The following DGKI variants were observed in gnomAD, a reference collection of about 807,000 sequenced individuals.
DGKI encodes the protein DAG kinase iota.
DGKI carries 55 observed loss-of-function variants against 147.5 expected under a neutral mutation model. The ratio of observed to expected loss-of-function variants is 0.37; its 90% confidence interval spans 0.30 to 0.47. The LOEUF (loss-of-function observed/expected upper bound fraction) is 0.47. DGKI is among the 20% of genes least tolerant of loss of function. The pLI, the probability that DGKI is intolerant of heterozygous loss-of-function variation, is 1.00. For synonymous variants in DGKI, 469 were observed against 477.1 expected (o/e 0.98, Z 0.22); for missense variants, 1,007 against 1,323.8 (o/e 0.76, Z 3.71).
At chr7:137,784,212 G>A (rs1178329258) in intron 1 of DGKI, among the ~76,000 whole-genome samples, 1 of 152,094 alleles carries the variant, frequency 6.6e-6, no homozygotes, top group African/African-American at 2.4e-5. Flanking sequence ...CCAAGTTTCT[G>A]CTGTCTTCAG....
At chr7:137,513,067 C>T (rs1263348085) in intron 21 of DGKI, among the ~76,000 whole-genome samples, 1 of 152,158 alleles carries the variant, frequency 6.6e-6, no homozygotes, top group African/African-American at 2.4e-5. Flanking sequence ...TCTCCTCAAG[C>T]TATTTCAAAC....
chr7:137,574,251 A>G (rs1232190808), intron 17 of DGKI, among the ~76,000 whole-genome samples: 1 of 152,242 alleles, frequency 6.6e-6, no homozygotes. Flanking sequence ...ATTTTCAAAT[A>G]TAACTTAGTA....
At chr7:137,513,566 G>A (rs1418916955) in intron 21 of DGKI, among the ~76,000 whole-genome samples, 4 of 152,196 alleles carry the variant, frequency 2.6e-5, no homozygotes, top group South Asian at 2.1e-4. Flanking sequence ...TGAAAGGGAT[G>A]TGTTTTAAGA....
At chr7:137,392,440 C>T (rs1811399939) in intron 32 of DGKI, among the ~76,000 whole-genome samples, 1 of 152,020 alleles carries the variant, frequency 6.6e-6, no homozygotes, top group Non-Finnish European at 1.5e-5. Flanking sequence ...ATCATTGTAC[C>T]AAATAAATAG....
At chr7:137,575,607 G>T (rs887464040) in intron 17 of DGKI, among the ~76,000 whole-genome samples, 2 of 152,208 alleles carry the variant, frequency 1.3e-5, no homozygotes, top group Admixed American at 6.5e-5. Context: ...GGCAGCTGAA[G>T]AAACAGGGGA....
At chr7:137,777,481 T>A (rs1194484671) in intron 1 of DGKI, among the ~76,000 whole-genome samples, 1 of 152,242 alleles carries the variant, frequency 6.6e-6, no homozygotes, top group Admixed American at 6.5e-5. Context: ...CAGCGACGGC[T>A]ATGGTCTAGC....
intron 1 of DGKI, among the ~76,000 whole-genome samples, chr7:137,803,257 T>C (rs922966690): frequency 2.0e-5 from 3 of 152,210 alleles, no homozygotes; most frequent in African/African-American, 4.8e-5. Flanking sequence ...GTAGAGAAGA[T>C]GGAGGTAAGT....
rs574934884 is a variant in DGKI at position 137,768,622 on chromosome 7, C to T, written c.401+77840G>A. Among the ~76,000 whole-genome samples, 46 of 152,268 alleles carry T rather than the reference C, an allele frequency of 3.0e-4. 1 individual carries two copies. In the South Asian group the frequency reaches 8.7e-3, roughly 29 times the overall value. On this transcript the variant is annotated intron_variant, in intron 1 of 32. Coordinates refer to ENST00000614521, the MANE Select transcript of DGKI (RefSeq NM_001321708.2). ...AAGGGAGGCAACCCGACTGCATGCA[C>T]GTACAGGCCCCGGGCAGAATCACGC...
intron 28 of DGKI, among the ~76,000 whole-genome samples, chr7:137,430,120 C>T (rs929305546): frequency 7.7e-6 from 1 of 130,654 alleles, no homozygotes; most frequent in Non-Finnish European, 1.6e-5. Flanking sequence ...TTTATTGTGG[C>T]ACTATTCACA....
At position 137,417,932 on chromosome 7, in the gene DGKI, A is replaced by C. The variant is rs550762492; in HGVS notation, c.2762-5725T>G. On this transcript the variant is annotated intron_variant, in intron 28 of 32. Coordinates refer to ENST00000614521, the MANE Select transcript of DGKI (RefSeq NM_001321708.2). The stretch of plus-strand genomic sequence containing the variant: ...GATCTTGGTCTTCCCAGAATCCAGA[A>C]CCATGAGCAATAAATTTCTATTACT... Among the ~76,000 whole-genome samples, 121 of 152,344 alleles carry C rather than the reference A, an allele frequency of 7.9e-4. No individual in the cohort carries two copies. The Middle Eastern group carries it at 0.014, about 17-fold the overall frequency.
chr7:137,757,608 C>T (rs1256077432), intron 1 of DGKI, among the ~76,000 whole-genome samples: 1 of 152,120 alleles, frequency 6.6e-6, no homozygotes, highest in Admixed American at 6.6e-5. Context: ...TGTCTAAAAC[C>T]GTACCCATTA....
At position 137,521,950 on chromosome 7, in the gene DGKI, C is replaced by A; in HGVS notation, c.2164G>T (p.Asp722Tyr). 6.2e-7 allele frequency: 1 copy of A among 1,610,956 alleles called. No homozygotes were observed. Among genetic ancestry groups the A allele is most frequent in the Non-Finnish European group, 8.5e-7 (1 of 1,178,266 alleles). The change falls in exon 21 of 33, where the codon GAT (aspartate) becomes TAT (tyrosine). Residue 722 changes from aspartate (D) to tyrosine (Y), a missense_variant. Physicochemically the swap from Asp to Tyr is radical, Grantham distance 160. This residue lies in a region of DGKI where 385 missense variants were observed against 445.2 expected (regional missense o/e 0.86). Transcript: ENST00000614521. ...PLLNDPQSVPDRLRIRVNKIS... is the reference protein window; with the variant it reads ...PLLNDPQSVPYRLRIRVNKIS... ...TTGTTCACCCGGATCCTCAGACGAT[C>A]TGGGACAGACTGGGGACTGCAAAAC...
chr7:137,517,305 AAG>A (rs1395300741), intron 21 of DGKI, among the ~76,000 whole-genome samples: 2 of 139,560 alleles, frequency 1.4e-5, no homozygotes, highest in African/African-American at 2.8e-5. Flanking sequence ...GAAAGAAAGA[AAG>A]AAAGAAAGAA....
In DGKI at chr7:137,395,780, CT is replaced by C; in HGVS notation, c.2958-84del. 4.1e-6 allele frequency: 5 copies of C among 1,210,212 alleles called. No individual in the cohort carries two copies. In the South Asian group the frequency reaches 6.4e-5, roughly 15 times the overall value. 75.0% of individuals were successfully genotyped at this position (1,210,212 alleles called of 1,614,324 possible). On this transcript the variant is annotated intron_variant, in intron 31 of 32. Coordinates refer to ENST00000614521, the MANE Select transcript of DGKI (RefSeq NM_001321708.2). ...GGGTGAGGGGAGCTGATGTAGGGTGCTCCTCAGCCTCCTTCCCTGTAGGCTG... is the reference window on the plus strand; with the variant it reads ...GGGTGAGGGGAGCTGATGTAGGGTGCCCTCAGCCTCCTTCCCTGTAGGCTG...
At chr7:137,607,848 T>TG in intron 10 of DGKI, among the ~76,000 whole-genome samples, 1 of 152,212 alleles carries the variant, frequency 6.6e-6, no homozygotes, top group African/African-American at 2.4e-5. Context: ...AACTCAAAAA[T>TG]GCAGGACTTG....
intron 10 of DGKI, among the ~76,000 whole-genome samples, chr7:137,604,981 G>T (rs747443612): frequency 6.6e-6 from 1 of 152,146 alleles, no homozygotes; most frequent in Non-Finnish European, 1.5e-5. Flanking sequence ...TAAACTTTAT[G>T]TTACACTTAC....
At chr7:137,703,577 C>A (rs559406583) in intron 1 of DGKI, among the ~76,000 whole-genome samples, 1 of 152,312 alleles carries the variant, frequency 6.6e-6, no homozygotes, top group Non-Finnish European at 1.5e-5. Context: ...GGGACACTTA[C>A]TGTACTCAGG....
At chr7:137,787,479 T>TG (rs1796710487) in intron 1 of DGKI, among the ~76,000 whole-genome samples, 1 of 152,246 alleles carries the variant, frequency 6.6e-6, no homozygotes, top group South Asian at 2.1e-4. Flanking sequence ...GATGTTGGCA[T>TG]GGATGCAATG....
In DGKI at chr7:137,388,855, G is replaced by A. The variant is rs1318840363; in HGVS notation, c.*2365C>T. The A allele has an allele frequency of 6.6e-6, 1 of 150,682 alleles. No individual in the cohort carries two copies. The highest frequency in any genetic ancestry group is 2.1e-4 in the South Asian group (1 of 4,800). 9.3% of individuals were successfully genotyped at this position (150,682 alleles called of 1,614,324 possible). On this transcript the variant is annotated 3_prime_UTR_variant, in exon 33 of 33. Transcript: ENST00000614521. ...TTCCAAATGCATCAGGAATCTTACA[G>A]TACCAACTCATCATTTTTCATAACA... is the stretch of plus-strand genomic sequence containing the variant.
Sources: gnomAD v4.1 joint callset for allele counts (sites outside exome capture counted in the v4.1 genomes callset) on GRCh38, gnomAD v4.1.1 for gene constraint, gnomAD v4.1.1 regional missense constraint, MANE v1.5 for transcripts, NCBI Gene and HGNC (gene_info 2026-07-23, HGNC 2026-07-21) for gene names.